GYS2: variants seen among roughly 807,000 people sequenced by gnomAD.
The protein encoded by GYS2 is glycogen [starch] synthase, liver.
A neutral mutation model predicts 85.6 loss-of-function variants in GYS2; 80 were observed. The observed-to-expected ratio is 0.93, with a 90% CI of 0.78 to 1.13. The LOEUF is 1.13. Among genes scored for constraint, GYS2 ranks in the 50% most tolerant of loss-of-function variants. GYS2 has a pLI of 0.00. For synonymous variants in GYS2, 328 were observed against 300.7 expected, an observed-to-expected ratio of 1.09 and a Z score of -0.94; for missense variants, 881 against 854.9, an observed-to-expected ratio of 1.03 and a Z score of -0.38.
Position 21,569,005 on chromosome 12 carries a change from T to A in GYS2, c.683A>T (p.Asn228Ile). The part of the protein sequence containing the change: ...IDFYNHLDKF[N>I]IDKEAGERQI... ...CCTTTCCCCAGCCTCTTTGTCAATGTTAAACTGTTAGAAACAAAAATAAAA... is the reference window on the plus strand; with the variant it reads ...CCTTTCCCCAGCCTCTTTGTCAATGATAAACTGTTAGAAACAAAAATAAAA... Residue 228 changes from asparagine to isoleucine, a missense_variant, in exon 5 of 16, where the codon AAC becomes ATC. Transcript: ENST00000261195. The A allele has an allele frequency of 6.2e-7, 1 of 1,614,134 alleles. No homozygotes were observed. Among genetic ancestry groups the A allele is most frequent in the Non-Finnish European group, 8.5e-7 (1 of 1,179,960 alleles).
chr12:21,590,861 G>T (rs1476795890), intron 1 of GYS2, among the ~76,000 whole-genome samples: 1 of 152,008 alleles, frequency 6.6e-6, no homozygotes, highest in Non-Finnish European at 1.5e-5. Context: ...AAAAATCACA[G>T]ACACTGATGA....
At chr12:21,594,201 G>A (rs1944670555) in intron 1 of GYS2, among the ~76,000 whole-genome samples, 2 of 152,056 alleles carry the variant, frequency 1.3e-5, no homozygotes, top group African/African-American at 2.4e-5. Context: ...AAATAAGGAT[G>A]CCCACTTCCA....
chr12:21,544,384 G>A (rs1944013768), intron 12 of GYS2, among the ~76,000 whole-genome samples: 1 of 151,942 alleles, frequency 6.6e-6, no homozygotes, highest in Admixed American at 6.6e-5. Flanking sequence ...TATCATTTTG[G>A]GTTGTTAAGT....
chr12:21,584,812 C>T (rs1375768024), intron 1 of GYS2, among the ~76,000 whole-genome samples: 4 of 152,170 alleles, frequency 2.6e-5, no homozygotes, highest in African/African-American at 4.8e-5. Flanking sequence ...TCACAGAATG[C>T]CGTATCCACT....
intron 1 of GYS2, among the ~76,000 whole-genome samples, chr12:21,585,898 A>G (rs1381143548): frequency 6.6e-6 from 1 of 152,194 alleles, no homozygotes; most frequent in Non-Finnish European, 1.5e-5. Context: ...AATTGCACGA[A>G]GGATAGTTTT....
intron 1 of GYS2, among the ~76,000 whole-genome samples, chr12:21,585,311 G>T (rs1459000135): frequency 1.3e-5 from 2 of 152,152 alleles, no homozygotes; most frequent in Non-Finnish European, 2.9e-5. Flanking sequence ...GACACTTTGG[G>T]CTCCTCCCAC....
At chr12:21,593,118 G>C (rs1049391994) in intron 1 of GYS2, among the ~76,000 whole-genome samples, 2 of 151,888 alleles carry the variant, frequency 1.3e-5, no homozygotes, top group Non-Finnish European at 2.9e-5. Context: ...AAAGCCATGG[G>C]ATACAGCAAA....
intron 15 of GYS2, among the ~76,000 whole-genome samples, chr12:21,538,032 A>G (rs529883548): frequency 6.6e-6 from 1 of 152,346 alleles, no homozygotes; most frequent in Admixed American, 6.5e-5. Context: ...TGAGTTCTGC[A>G]CTTGAGACCT....
At position 21,568,866 on chromosome 12, in the gene GYS2, A is replaced by C. The variant is rs112911729; in HGVS notation, c.822T>G (p.Pro274=). The change falls in exon 5 of 16, where the codon CCT becomes CCG. Residue 274 remains proline, a splice_region_variant and synonymous_variant. Transcript: ENST00000261195. ...IEAEHMLKRK[P]DVVTPNGLNV... ...AGGTGATCCAGGGATAATAATTACCAGGCTTTCTCTTCAGCATATGTTCAG... is the reference window on the plus strand; with the variant it reads ...AGGTGATCCAGGGATAATAATTACCCGGCTTTCTCTTCAGCATATGTTCAG... 1.3e-5 allele frequency: 21 copies of C among 1,611,788 alleles called. No individual in the cohort carries two copies. In the African/African-American group the frequency reaches 1.7e-4, roughly 13 times the overall value.
chr12:21,546,046 A>G (rs1313490228), intron 12 of GYS2, among the ~76,000 whole-genome samples: 1 of 148,568 alleles, frequency 6.7e-6, no homozygotes, highest in East Asian at 1.9e-4. Context: ...ATAGCTAAAT[A>G]AGATACAACC....
intron 5 of GYS2, among the ~76,000 whole-genome samples, chr12:21,567,215 C>T (rs548534645): frequency 3.3e-5 from 5 of 152,122 alleles, no homozygotes; most frequent in Non-Finnish European, 7.4e-5. Context: ...TTATGGTTTA[C>T]TCTTATAAGA....
At chr12:21,579,687 T>A (rs78489538) in intron 2 of GYS2, among the ~76,000 whole-genome samples, 163 of 152,196 alleles carry the variant, frequency 1.1e-3, no homozygotes, top group African/African-American at 3.7e-3. Flanking sequence ...ATAGGCCACC[T>A]ATATTCCTTG....
chr12:21,540,649 C>G, intron 13 of GYS2, 76 bp from the exon 14 acceptor site: 1 of 1,307,040 alleles, frequency 7.7e-7, no homozygotes, highest in Non-Finnish European at 1.1e-6. Flanking sequence ...GATTTACTAA[C>G]TCTTTGGTTC....
chr12:21,570,524 T>C (rs1396210862), intron 4 of GYS2, among the ~76,000 whole-genome samples: 2 of 152,240 alleles, frequency 1.3e-5, no homozygotes, highest in African/African-American at 2.4e-5. Flanking sequence ...CGAAGACTTA[T>C]TCATCTTTCT....
chr12:21,579,416 C>T (rs1359945576), intron 2 of GYS2, among the ~76,000 whole-genome samples: 6 of 144,956 alleles, frequency 4.1e-5, no homozygotes, highest in African/African-American at 1.5e-4. Context: ...AGCAATGGCA[C>T]GATCTCAGCT....
chr12:21,600,490 C>G (rs951761862), intron 1 of GYS2, among the ~76,000 whole-genome samples: 2 of 151,930 alleles, frequency 1.3e-5, no homozygotes, highest in African/African-American at 4.8e-5. Flanking sequence ...AACAGTATCA[C>G]GAAAGATAAA....
At chr12:21,565,390 A>AATATATATATATAT (rs55790137) in intron 5 of GYS2, among the ~76,000 whole-genome samples, 10 of 73,634 alleles carry the variant, frequency 1.4e-4, no homozygotes, top group South Asian at 6.6e-4. Flanking sequence ...CCATCCATGA[A>AATATATATATATAT]ATATATATAT....
chr12:21,595,073 G>A (rs1052222284), intron 1 of GYS2, among the ~76,000 whole-genome samples: 1 of 152,066 alleles, frequency 6.6e-6, no homozygotes, highest in Non-Finnish European at 1.5e-5. Flanking sequence ...AATAAAACTG[G>A]ACTGCTGATA....
At chr12:21,541,552 G>A (rs2136840331) in intron 13 of GYS2, among the ~76,000 whole-genome samples, 1 of 152,028 alleles carries the variant, frequency 6.6e-6, no homozygotes, top group East Asian at 1.9e-4. Flanking sequence ...TTTCTAGGCA[G>A]CAGAAGGGAT....
Sources: allele counts gnomAD v4.1 joint callset (sites outside exome capture counted in the v4.1 genomes callset), GRCh38; gene constraint gnomAD v4.1.1; transcripts MANE v1.5; gene names NCBI Gene and HGNC (gene_info 2026-07-23, HGNC 2026-07-21).